RAB9B: variants seen among roughly 807,000 people sequenced by gnomAD.
RAB9B encodes ras-related protein Rab-9B.
RAB9B carries 1 observed loss-of-function variant against 8.9 expected under a neutral mutation model. The ratio of observed to expected loss-of-function variants is 0.11; its 90% CI spans 0.04 to 0.53. The LOEUF is 0.53. Among genes scored for constraint, RAB9B ranks in the 20% least tolerant of loss-of-function variants. The pLI is 0.93. For missense variants in RAB9B, 82 were observed against 152.9 expected (o/e 0.54, Z 2.45); for synonymous variants, 63 against 57.0 (o/e 1.10, Z -0.47).
chrX:103,784,518 C>T, the RAB9B span, among the ~76,000 whole-genome samples: 1 of 111,943 alleles, frequency 8.9e-6, no homozygotes, highest in Non-Finnish European at 1.9e-5. Context: ...CCTGTGCTAG[C>T]TCCATCCTGT....
chrX:103,805,684 G>A, the RAB9B span, among the ~76,000 whole-genome samples: 54 of 110,942 alleles, frequency 4.9e-4, no homozygotes, highest in East Asian at 9.0e-3. Flanking sequence ...GGCAGTGTGT[G>A]CCTTTCTAGA....
At chrX:103,783,383 C>T in the RAB9B span, among the ~76,000 whole-genome samples, 1 of 112,497 alleles carries the variant, frequency 8.9e-6, no homozygotes, top group Non-Finnish European at 1.9e-5. Context: ...AGTTTCCTGG[C>T]AGCAATGCTT....
At chrX:103,792,624 G>A in the RAB9B span, 1 of 112,337 alleles carries the variant, frequency 8.9e-6, no homozygotes, top group Non-Finnish European at 1.9e-5. Context: ...ATCAAACATC[G>A]TGTCCTTTGA....
At chrX:103,820,963 CACACACACACACACACACAT>C (rs1385192136), downstream of RAB9B, among the ~76,000 whole-genome samples, 863 of 45,725 alleles carry the variant, frequency 0.019, 11 homozygotes, top group African/African-American at 0.074. Context: ...CACACACACA[CACACACACACACACACACAT>C]ACACACACAC....
At chrX:103,778,794 C>G in the RAB9B span, among the ~76,000 whole-genome samples, 2 of 112,055 alleles carry the variant, frequency 1.8e-5, no homozygotes, top group Admixed American at 1.9e-4. Context: ...TATAGATCAT[C>G]TCTAACAAGG....
chrX:103,781,182 A>G, the RAB9B span: 2 of 242,778 alleles, frequency 8.2e-6, no homozygotes, highest in Non-Finnish European at 1.6e-5. Context: ...AATTTCCATC[A>G]TGGAGCTGGT....
chrX:103,830,037 A>C (rs1426234842), intron 1 of RAB9B, among the ~76,000 whole-genome samples: 1 of 111,824 alleles, frequency 8.9e-6, no homozygotes, highest in African/African-American at 3.3e-5. Context: ...ACTTGACTCG[A>C]TCATTTTCTG....
chrX:103,825,057 C>T lies in RAB9B; in HGVS notation c.*122G>A. ...CACTTCAATTTGAAAGGCTCTGTTT[C>T]ACAATCAGAACCTTGTCTCTTACCC... On this transcript the variant is annotated 3_prime_UTR_variant, in exon 3 of 3. Coordinates refer to ENST00000243298, the MANE Select transcript of RAB9B (RefSeq NM_016370.4). 2.6e-6 allele frequency: 2 copies of T among 756,807 alleles called. No homozygotes were observed. Among genetic ancestry groups the T allele is most frequent in the Non-Finnish European group, 3.8e-6 (2 of 530,123 alleles). The allele number at this position is 756,807 out of a possible 1,213,427, so 62.4% of individuals were successfully genotyped here. A position where few individuals can be genotyped will look rare whatever the true frequency, so the allele number is the denominator to read the frequency against.
At chrX:103,813,524 G>A in the RAB9B span, among the ~76,000 whole-genome samples, 3 of 108,848 alleles carry the variant, frequency 2.8e-5, no homozygotes, top group African/African-American at 6.7e-5. Context: ...GGGCAGTGGC[G>A]TGATCTTGGC....
At chrX:103,783,986 C>CT in the RAB9B span, among the ~76,000 whole-genome samples, 1 of 104,987 alleles carries the variant, frequency 9.5e-6, no homozygotes, top group Non-Finnish European at 2.0e-5. Flanking sequence ...GACATTTTTT[C>CT]TGAAGAGCTT....
intron 1 of RAB9B, among the ~76,000 whole-genome samples, chrX:103,828,148 G>A (rs555282786): frequency 9.9e-5 from 11 of 111,505 alleles, no homozygotes; most frequent in African/African-American, 2.3e-4. Flanking sequence ...GAGGAAGAAC[G>A]AAGCTTTAAA....
the RAB9B span, among the ~76,000 whole-genome samples, chrX:103,800,285 GTTA>G: frequency 0.017 from 1,733 of 100,758 alleles, 36 homozygotes; most frequent in African/African-American, 0.062. Flanking sequence ...AGAGCAGACT[GTTA>G]TTATGATTCC....
chrX:103,776,635 A>G, the RAB9B span: 2 of 233,503 alleles, frequency 8.6e-6, no homozygotes, highest in African/African-American at 5.7e-5. Flanking sequence ...TCTGCAGCAA[A>G]GCGAAATTCC....
chrX:103,820,983 TACACACAC>T (rs1191042577), downstream of RAB9B, among the ~76,000 whole-genome samples: 7 of 20,966 alleles, frequency 3.3e-4, no homozygotes, highest in African/African-American at 1.2e-3. Flanking sequence ...CACACACACA[TACACACAC>T]ACACACACAC....
the RAB9B span, among the ~76,000 whole-genome samples, chrX:103,807,132 C>T: frequency 3.6e-5 from 4 of 111,801 alleles, no homozygotes; most frequent in Admixed American, 9.5e-5. Flanking sequence ...ACTCCTAAAA[C>T]GAGATATTTT....
the RAB9B span, among the ~76,000 whole-genome samples, chrX:103,777,612 AG>A: frequency 8.9e-6 from 1 of 112,025 alleles, no homozygotes; most frequent in Admixed American, 9.5e-5. Context: ...GTGCACATAT[AG>A]GGTTGATCAT....
chrX:103,786,501 C>T, the RAB9B span: 1 of 1,209,418 alleles, frequency 8.3e-7, no homozygotes, highest in Non-Finnish European at 1.1e-6. Flanking sequence ...ATGGAACTGC[C>T]TCTTTCTTCT....
At chrX:103,806,525 C>T in the RAB9B span, among the ~76,000 whole-genome samples, 1 of 111,452 alleles carries the variant, frequency 9.0e-6, no homozygotes, top group East Asian at 2.8e-4. Context: ...TATAATCTAT[C>T]CTGGAGAATG....
the RAB9B span, among the ~76,000 whole-genome samples, chrX:103,798,853 G>A: frequency 9.3e-6 from 1 of 107,792 alleles, no homozygotes; most frequent in African/African-American, 3.4e-5. Context: ...TGTTGGCCAG[G>A]CTGGTCTCAA....
Sources: allele counts gnomAD v4.1 joint callset (sites outside exome capture counted in the v4.1 genomes callset), GRCh38; gene constraint gnomAD v4.1.1; transcripts MANE v1.5; gene names NCBI Gene and HGNC (gene_info 2026-07-23, HGNC 2026-07-21).